Variants in RALY observed in about 807,000 individuals in gnomAD.
RALY encodes the protein RALY heterogeneous nuclear ribonucleoprotein.
A neutral mutation model predicts 30.7 loss-of-function variants in RALY; 15 were observed. That is an observed-to-expected ratio of 0.49 (90% CI 0.33 to 0.75). The LOEUF is 0.75. Ranked by LOEUF, RALY falls within the 30% of genes least tolerant of loss-of-function variation. The probability of loss-of-function intolerance (pLI) is 0.02; values close to 1 mark genes in which losing one functional copy is unlikely to be tolerated. For synonymous variants in RALY, 177 were observed against 170.8 expected (o/e 1.04, Z -0.28); for missense variants, 339 against 414.3 (o/e 0.82, Z 1.58).
chr20:34,041,311 T>G (rs2032690988), intron 2 of RALY, among the ~76,000 whole-genome samples: 1 of 152,214 alleles, frequency 6.6e-6, no homozygotes, highest in African/African-American at 2.4e-5. Context: ...ATTTTAGGAC[T>G]AAGATTGTTC....
intron 2 of RALY, among the ~76,000 whole-genome samples, chr20:34,036,730 T>A (rs1255507170): frequency 6.6e-6 from 1 of 152,190 alleles, no homozygotes; most frequent in Admixed American, 6.5e-5. Context: ...CTACTTAGAT[T>A]TTCTCTTTCT....
chr20:34,071,837 T>C (rs770482017), intron 2 of RALY, among the ~76,000 whole-genome samples: 1 of 152,192 alleles, frequency 6.6e-6, no homozygotes, highest in East Asian at 1.9e-4. Flanking sequence ...CTGCATATCA[T>C]GTGAGTAACA....
At chr20:34,038,767 C>G (rs1263072429) in intron 2 of RALY, among the ~76,000 whole-genome samples, 1 of 152,144 alleles carries the variant, frequency 6.6e-6, no homozygotes, top group African/African-American at 2.4e-5. Flanking sequence ...CTTCTCTGAG[C>G]TGTAGTTTGC....
At chr20:34,029,351 C>T (rs997127549) in intron 1 of RALY, among the ~76,000 whole-genome samples, 45 of 152,036 alleles carry the variant, frequency 3.0e-4, no homozygotes, top group African/African-American at 9.9e-4. Context: ...GCAGGAGAAT[C>T]GCTTGAACCC....
intron 1 of RALY, among the ~76,000 whole-genome samples, chr20:33,996,794 C>T (rs2030653569): frequency 6.6e-6 from 1 of 152,176 alleles, no homozygotes; most frequent in Admixed American, 6.5e-5. Flanking sequence ...CCCTTCCCTC[C>T]TCCCTCCAGC....
intron 2 of RALY, among the ~76,000 whole-genome samples, chr20:34,052,485 A>G (rs1354300590): frequency 6.6e-6 from 1 of 152,160 alleles, no homozygotes; most frequent in East Asian, 1.9e-4. Context: ...TTTGTACTCC[A>G]CTATTGTTCC....
intron 2 of RALY, among the ~76,000 whole-genome samples, chr20:34,038,329 A>T (rs1418284267): frequency 6.6e-6 from 1 of 152,144 alleles, no homozygotes; most frequent in East Asian, 1.9e-4. Flanking sequence ...AAGAGAGCAA[A>T]ATCTAAGCTG....
At chr20:34,076,103 C>T (rs1261381641) in intron 6 of RALY, 63 bp downstream of exon 6, 1 of 1,543,054 alleles carries the variant, frequency 6.5e-7, no homozygotes, top group Non-Finnish European at 8.9e-7. Flanking sequence ...ATAATAGAAT[C>T]ACATTTTTTA....
At chr20:34,011,031 G>T (rs996347973) in intron 1 of RALY, among the ~76,000 whole-genome samples, 7 of 108,974 alleles carry the variant, frequency 6.4e-5, no homozygotes. Context: ...AATAAACTGG[G>T]TGGGGGGGGG....
At chr20:34,059,429 G>A (rs1025618233) in intron 2 of RALY, among the ~76,000 whole-genome samples, 7 of 152,170 alleles carry the variant, frequency 4.6e-5, no homozygotes, top group African/African-American at 1.7e-4. Context: ...TGTCCATCCT[G>A]GGAGTATTCC....
chr20:34,048,804 C>T (rs778447848), intron 2 of RALY, among the ~76,000 whole-genome samples: 4 of 145,876 alleles, frequency 2.7e-5, no homozygotes, highest in East Asian at 4.1e-4. Flanking sequence ...TGCAGTGAGC[C>T]GAGATCGCAC....
At chr20:34,059,085 T>G (rs2033341477) in intron 2 of RALY, among the ~76,000 whole-genome samples, 1 of 152,140 alleles carries the variant, frequency 6.6e-6, no homozygotes, top group Non-Finnish European at 1.5e-5. Flanking sequence ...CTTAGAGCCC[T>G]AAGTTATGTT....
intron 2 of RALY, among the ~76,000 whole-genome samples, chr20:34,032,085 C>G (rs1192505258): frequency 6.6e-6 from 1 of 152,188 alleles, no homozygotes; most frequent in Non-Finnish European, 1.5e-5. Flanking sequence ...GCCTCAGCCT[C>G]CTGAGTAGCT....
chr20:34,022,094 CTTT>C (rs1193826286), intron 1 of RALY, among the ~76,000 whole-genome samples: 1 of 135,130 alleles, frequency 7.4e-6, no homozygotes, highest in Non-Finnish European at 1.6e-5. Context: ...TTCTTTCTTT[CTTT>C]TTTTTTTTTT....
chr20:34,027,512 C>A (rs962605499), intron 1 of RALY, among the ~76,000 whole-genome samples: 2 of 152,216 alleles, frequency 1.3e-5, no homozygotes, highest in Non-Finnish European at 2.9e-5. Flanking sequence ...CCAGGTCAGA[C>A]TGATTTGTTT....
At chr20:34,076,880 G>A in intron 7 of RALY, 65 bp downstream of exon 7, 1 of 1,592,608 alleles carries the variant, frequency 6.3e-7, no homozygotes, top group Non-Finnish European at 8.6e-7. Context: ...TGGGGAAATA[G>A]TACATGGGAG....
At position 34,001,464 on chromosome 20, in the gene RALY, T is replaced by C. The variant is rs548731876; in HGVS notation, c.-93+7333T>C. On this transcript the variant is annotated intron_variant, in intron 1 of 9. Transcript: ENST00000246194. ...CTCATTGCTTTATTCCAAGTAAATA[T>C]TCTCTTTTAGAATGCCAGGTTTGGA... Among the ~76,000 whole-genome samples the C allele has an allele frequency of 2.6e-5, 4 of 152,300 alleles. No homozygotes were observed. In the South Asian group the frequency reaches 8.3e-4, roughly 32 times the overall value.
chr20:34,021,134 G>A (rs147592516), intron 1 of RALY, among the ~76,000 whole-genome samples: 61 of 152,060 alleles, frequency 4.0e-4, no homozygotes, highest in African/African-American at 1.3e-3. Flanking sequence ...GCTAATTTTT[G>A]TATTGTTAGT....
intron 1 of RALY, chr20:34,015,056 T>C (rs1240216672): frequency 1.3e-5 from 2 of 152,206 alleles, no homozygotes; most frequent in South Asian, 2.1e-4. Flanking sequence ...GCATTTGAGC[T>C]TGTCCTTAAA....
Sources: allele counts gnomAD v4.1 joint callset (sites outside exome capture counted in the v4.1 genomes callset), GRCh38; gene constraint gnomAD v4.1.1; transcripts MANE v1.5; gene names NCBI Gene and HGNC (gene_info 2026-07-23, HGNC 2026-07-21).